The following NUTM2E variants were observed in gnomAD, a reference collection of about 807,000 sequenced individuals.
NUTM2E encodes the protein NUT family member 2E.
In NUTM2E, 3 loss-of-function variants were observed where a neutral mutation model predicts 26.1. The ratio of observed to expected loss-of-function variants is 0.12; its 90% confidence interval spans 0.05 to 0.30. The LOEUF is 0.30. NUTM2E is among the 10% of genes least tolerant of loss of function. NUTM2E has a pLI of 1.00. For missense variants in NUTM2E, 62 were observed against 381.3 expected (o/e 0.16, Z 6.97); for synonymous variants, 13 against 157.5 (o/e 0.08, Z 6.87).
At chr10:79,834,491 A>C (rs1841948332) in intron 1 of NUTM2E, among the ~76,000 whole-genome samples, 1 of 151,606 alleles carries the variant, frequency 6.6e-6, no homozygotes, top group Non-Finnish European at 1.5e-5. Context: ...ACCTGAGGTT[A>C]GGAATTCAAG....
chr10:79,835,933 C>T (rs905661599), intron 1 of NUTM2E, among the ~76,000 whole-genome samples: 1 of 148,710 alleles, frequency 6.7e-6, no homozygotes, highest in Non-Finnish European at 1.5e-5. Flanking sequence ...ATTTTCTCCC[C>T]TAGTGTGTAA....
intron 1 of NUTM2E, among the ~76,000 whole-genome samples, chr10:79,829,337 C>T (rs565920686): frequency 0.012 from 1,887 of 151,586 alleles, 36 homozygotes; most frequent in Non-Finnish European, 0.021. Flanking sequence ...AGACATTTTT[C>T]ACTAAGCATT....
intron 1 of NUTM2E, among the ~76,000 whole-genome samples, chr10:79,830,687 ATAATC>A (rs1283251900): frequency 9.0e-6 from 1 of 110,864 alleles, no homozygotes; most frequent in Non-Finnish European, 2.4e-5. Context: ...TTATTTTAAA[ATAATC>A]AAATTAGCAA....
chr10:79,848,456 G>A (rs1589312020), intron 7 of NUTM2E, 57 bp from the exon 8 acceptor site: 3 of 342,600 alleles, frequency 8.8e-6, no homozygotes, highest in Non-Finnish European at 1.5e-5. Context: ...TCCCCTGTGT[G>A]GTGCGAGCAG....
chr10:79,827,797 T>TTG (rs758270060), intron 1 of NUTM2E, among the ~76,000 whole-genome samples: 598 of 2,296 alleles, frequency 0.26, 8 homozygotes, highest in Middle Eastern at 0.5. Context: ...TTTTTTTTGT[T>TTG]TTTTTTTTTT....
rs931426713 is a variant in NUTM2E, at chr10:79,839,003, A to C, written c.-2226A>C. On this transcript the variant is annotated 5_prime_UTR_variant, in exon 3 of 10. Coordinates refer to ENST00000429984, the MANE Select transcript of NUTM2E (RefSeq NM_001355263.2). ...GGCCCCGCTGGAGATGTGGAAATGG[A>C]GGGACGCGGCACCTGGGTGCTTCCT... 6.7e-6 allele frequency among the ~76,000 whole-genome samples: 1 copy of C among 149,502 alleles called. No individual in the cohort carries two copies. Among genetic ancestry groups the C allele is most frequent in the African/African-American group, 2.5e-5 (1 of 40,572 alleles).
At chr10:79,836,526 G>A (rs1369988278) in intron 1 of NUTM2E, among the ~76,000 whole-genome samples, 1 of 151,848 alleles carries the variant, frequency 6.6e-6, no homozygotes, top group African/African-American at 2.4e-5. Flanking sequence ...TATATGTTGT[G>A]TGCACTTGTA....
intron 1 of NUTM2E, among the ~76,000 whole-genome samples, chr10:79,833,299 G>C (rs1841938409): frequency 6.6e-6 from 1 of 151,560 alleles, no homozygotes; most frequent in Non-Finnish European, 1.5e-5. Flanking sequence ...CTGCTGCCCT[G>C]TGCATCAGAA....
chr10:79,833,226 T>G (rs1310236768), intron 1 of NUTM2E, among the ~76,000 whole-genome samples: 3 of 151,856 alleles, frequency 2.0e-5, no homozygotes, highest in Admixed American at 2.0e-4. Context: ...TGGCAAGATT[T>G]AAAGCGTTAC....
Position 79,833,460 on chromosome 10 carries a change from C to G in NUTM2E, c.-2727-4849C>G, listed in dbSNP as rs1247990885. ...ACGGGAAAAAAATTTTGCAATCTAT[C>G]CATCTGGCAAAGGACTAATATCCAG... On this transcript the variant is annotated intron_variant, in intron 1 of 9. Transcript: ENST00000429984. Among the ~76,000 whole-genome samples, 6 of 150,924 alleles carry G rather than the reference C, an allele frequency of 4.0e-5. 1 individual carries two copies. The highest frequency in any genetic ancestry group is 7.3e-5 in the African/African-American group (3 of 41,128).
chr10:79,827,426 A>G (rs1841891711), intron 1 of NUTM2E, 69 bp downstream of exon 1: 1 of 151,674 alleles, frequency 6.6e-6, no homozygotes, highest in Non-Finnish European at 1.5e-5. Flanking sequence ...ATTTTTAATT[A>G]CAGATAGGAT....
intron 1 of NUTM2E, among the ~76,000 whole-genome samples, chr10:79,830,338 G>T (rs1589305681): frequency 6.6e-6 from 1 of 151,638 alleles, no homozygotes; most frequent in East Asian, 1.9e-4. Flanking sequence ...GAAAATGTAG[G>T]TATTTTAGTG....
chr10:79,833,933 T>G (rs1175795560), intron 1 of NUTM2E, among the ~76,000 whole-genome samples: 1 of 151,884 alleles, frequency 6.6e-6, no homozygotes, highest in Non-Finnish European at 1.5e-5. Context: ...GCAGCACTAT[T>G]CACAATAGCA....
At chr10:79,833,646 C>G (rs2132414458) in intron 1 of NUTM2E, among the ~76,000 whole-genome samples, 1 of 151,670 alleles carries the variant, frequency 6.6e-6, no homozygotes, top group Non-Finnish European at 1.5e-5. Context: ...AAATGCAAAT[C>G]AAAACCACAA....
In NUTM2E at chr10:79,831,619, A is replaced by G. The variant is rs556572801; in HGVS notation, c.-2728+4262A>G. On this transcript the variant is annotated intron_variant, in intron 1 of 9. Coordinates refer to ENST00000429984, the MANE Select transcript of NUTM2E (RefSeq NM_001355263.2). ...AAGGGGAAAAGAAGTATATAACAGCATGTACTGAATACTTTATACCCATTA... is the reference window on the plus strand; with the variant it reads ...AAGGGGAAAAGAAGTATATAACAGCGTGTACTGAATACTTTATACCCATTA... 5.9e-4 allele frequency among the ~76,000 whole-genome samples: 89 copies of G among 152,066 alleles called. 5 individuals are homozygous for G. In the South Asian group the frequency reaches 0.017, roughly 30 times the overall value.
At chr10:79,837,539 C>T (rs971880495) in intron 1 of NUTM2E, among the ~76,000 whole-genome samples, 12 of 152,140 alleles carry the variant, frequency 7.9e-5, no homozygotes, top group African/African-American at 2.9e-4. Context: ...CACTAGTTAA[C>T]ACATGTCACG....
intron 2 of NUTM2E, among the ~76,000 whole-genome samples, 79 bp from the exon 3 acceptor site, chr10:79,838,701 C>A (rs1172336609): frequency 6.6e-6 from 1 of 151,888 alleles, no homozygotes; most frequent in Non-Finnish European, 1.5e-5. Flanking sequence ...AATGTGGGGT[C>A]GCCCCGCGGA....
intron 1 of NUTM2E, among the ~76,000 whole-genome samples, chr10:79,831,224 T>C (rs1841925312): frequency 6.6e-6 from 1 of 151,776 alleles, no homozygotes; most frequent in Non-Finnish European, 1.5e-5. Flanking sequence ...ATGAGGTCCT[T>C]GATTCTTGAC....
rs774870082 is a variant in NUTM2E, at chr10:79,848,532, C to T, written c.1371C>T (p.Ala457=). The T allele has an allele frequency of 1.3e-5, 7 of 537,222 alleles. No individual in the cohort carries two copies. The highest frequency in any genetic ancestry group is 1.1e-4 in the African/African-American group (3 of 26,430). The allele number at this position is 537,222 out of a possible 1,614,324, so 33.3% of individuals were successfully genotyped here. The change falls in exon 8 of 10, where the codon GCC becomes GCT. Residue 457 remains alanine (A), a synonymous_variant. Transcript: ENST00000429984. ...CCTCAGTGTACCTTCCCAGCAAGGCCGGCCCCAAGGCCCAGACTGCCTGCC... is the reference window on the plus strand; with the variant it reads ...CCTCAGTGTACCTTCCCAGCAAGGCTGGCCCCAAGGCCCAGACTGCCTGCC... ...VKQPVYLPSK[A]GPKAQTACLP...
Sources: gnomAD v4.1 joint callset for allele counts (sites outside exome capture counted in the v4.1 genomes callset) on GRCh38, gnomAD v4.1.1 for gene constraint, MANE v1.5 for transcripts, NCBI Gene and HGNC (gene_info 2026-07-23, HGNC 2026-07-21) for gene names.